Variants in DCAF6 observed in about 807,000 individuals in gnomAD.
The protein encoded by DCAF6 is DDB1- and CUL4-associated factor 6.
A neutral mutation model predicts 125.1 loss-of-function variants in DCAF6; 54 were observed. That is an observed-to-expected ratio of 0.43 (90% CI 0.35 to 0.54). The LOEUF is 0.54. Among genes scored for constraint, DCAF6 ranks in the 20% least tolerant of loss-of-function variants. DCAF6 has a pLI of 0.01. For missense variants in DCAF6, 934 were observed against 1,161.7 expected (o/e 0.80, Z 2.85); for synonymous variants, 371 against 390.4 (o/e 0.95, Z 0.58).
chr1:167,895,882 A>G, the DCAF6 span, among the ~76,000 whole-genome samples: 1 of 152,362 alleles, frequency 6.6e-6, no homozygotes, highest in South Asian at 2.1e-4. Flanking sequence ...TGAAGTCACC[A>G]ACATTTAAGA....
intron 17 of DCAF6, among the ~76,000 whole-genome samples, chr1:168,058,795 C>G (rs1270663554): frequency 3.9e-5 from 6 of 152,200 alleles, no homozygotes; most frequent in Non-Finnish European, 8.8e-5. Flanking sequence ...TCTTGAACTC[C>G]TAAACCTCAA....
chr1:167,962,730 C>T (rs531545913), intron 2 of DCAF6, among the ~76,000 whole-genome samples: 6 of 151,898 alleles, frequency 4.0e-5, no homozygotes, highest in Middle Eastern at 3.2e-3. Flanking sequence ...TCGAGGTGGG[C>T]GATCACCTGA....
At chr1:167,868,890 C>A in the DCAF6 span, among the ~76,000 whole-genome samples, 4 of 152,182 alleles carry the variant, frequency 2.6e-5, no homozygotes, top group Non-Finnish European at 4.4e-5. Context: ...TTTTAGAAAT[C>A]ATCACTAATA....
At chr1:168,059,444 G>A (rs1484429162) in intron 17 of DCAF6, among the ~76,000 whole-genome samples, 3 of 152,100 alleles carry the variant, frequency 2.0e-5, no homozygotes, top group Non-Finnish European at 4.4e-5. Context: ...TGGCGGCTAA[G>A]GCAAGACCCT....
At chr1:167,935,822 C>G (rs1235972027), upstream of DCAF6, 3 of 1,552,566 alleles carry the variant, frequency 1.9e-6, no homozygotes, top group South Asian at 3.6e-5. Context: ...CCGCAGGCCT[C>G]GGGCACCGGC....
At chr1:167,893,956 G>T in the DCAF6 span, 1 of 1,600,898 alleles carries the variant, frequency 6.2e-7, no homozygotes, top group East Asian at 2.2e-5. Flanking sequence ...GAAGGCAGAA[G>T]GAGGGTGCAG....
intron 12 of DCAF6, among the ~76,000 whole-genome samples, chr1:168,025,012 C>T (rs1686158201): frequency 6.6e-6 from 1 of 151,848 alleles, no homozygotes; most frequent in Admixed American, 6.6e-5. Context: ...GAGGTATTAA[C>T]AATGAAGAAT....
At chr1:167,959,451 A>G (rs1675258111) in intron 2 of DCAF6, among the ~76,000 whole-genome samples, 1 of 152,152 alleles carries the variant, frequency 6.6e-6, no homozygotes, top group Non-Finnish European at 1.5e-5. Context: ...TGTATTGTGT[A>G]TGTTTAGTTT....
At chr1:167,891,506 C>T in the DCAF6 span, among the ~76,000 whole-genome samples, 11 of 151,322 alleles carry the variant, frequency 7.3e-5, no homozygotes, top group Non-Finnish European at 1.5e-4. Flanking sequence ...AATACAAAAA[C>T]GTAGCCGGGC....
At chr1:168,055,345 T>G (rs1400340056) in intron 17 of DCAF6, among the ~76,000 whole-genome samples, 1,813 of 25,610 alleles carry the variant, frequency 0.071, 367 homozygotes, top group Middle Eastern at 0.1. Context: ...TTTTTTTTTT[T>G]TTTTTTTTTT....
At chr1:167,984,357 A>G (rs1199106980) in intron 4 of DCAF6, among the ~76,000 whole-genome samples, 1 of 152,232 alleles carries the variant, frequency 6.6e-6, no homozygotes, top group Non-Finnish European at 1.5e-5. Flanking sequence ...TTATAAAGGC[A>G]TTAATTATAA....
At chr1:167,971,325 C>CT (rs1192793048) in intron 3 of DCAF6, among the ~76,000 whole-genome samples, 1 of 152,124 alleles carries the variant, frequency 6.6e-6, no homozygotes, top group Non-Finnish European at 1.5e-5. Flanking sequence ...TAGATGGCAA[C>CT]TTCTTTGAGA....
chr1:168,011,435 C>CACTTTTTTAAAG (rs1684270574), intron 10 of DCAF6, among the ~76,000 whole-genome samples: 1 of 152,070 alleles, frequency 6.6e-6, no homozygotes, highest in Non-Finnish European at 1.5e-5. Context: ...TTAAAGATAG[C>CACTTTTTTAAAG]ATATGATGTG....
the DCAF6 span, among the ~76,000 whole-genome samples, chr1:167,874,486 T>C: frequency 6.6e-6 from 1 of 152,180 alleles, no homozygotes; most frequent in South Asian, 2.1e-4. Flanking sequence ...AACTAAGTTG[T>C]TGCCAAAGAT....
At chr1:167,972,981 T>C (rs1677565977) in intron 3 of DCAF6, among the ~76,000 whole-genome samples, 1 of 152,208 alleles carries the variant, frequency 6.6e-6, no homozygotes, top group Non-Finnish European at 1.5e-5. Flanking sequence ...AGGTAAATCA[T>C]AAATTTTTAA....
the DCAF6 span, among the ~76,000 whole-genome samples, chr1:167,919,121 A>G: frequency 3.3e-5 from 5 of 152,238 alleles, no homozygotes; most frequent in Admixed American, 1.3e-4. Context: ...AGTAATCACT[A>G]AAGTAAAATA....
chr1:167,911,107 C>T, the DCAF6 span, among the ~76,000 whole-genome samples: 1 of 152,164 alleles, frequency 6.6e-6, no homozygotes, highest in African/African-American at 2.4e-5. Context: ...GGATCAATGA[C>T]TGGCAATCAC....
chr1:167,915,697 T>G, the DCAF6 span, among the ~76,000 whole-genome samples: 1 of 152,172 alleles, frequency 6.6e-6, no homozygotes, highest in African/African-American at 2.4e-5. Flanking sequence ...GTGATCCACC[T>G]GCCTCGGCCT....
At chr1:167,953,447 C>T (rs984574356) in intron 2 of DCAF6, among the ~76,000 whole-genome samples, 3 of 152,176 alleles carry the variant, frequency 2.0e-5, no homozygotes, top group African/African-American at 7.2e-5. Context: ...TCATAGTCTA[C>T]ACTTTTGCCC....
Sources: gnomAD v4.1 joint callset for allele counts (sites outside exome capture counted in the v4.1 genomes callset) on GRCh38, gnomAD v4.1.1 for gene constraint, MANE v1.5 for transcripts, NCBI Gene and HGNC (gene_info 2026-07-23, HGNC 2026-07-21) for gene names.